The following NKAIN3 variants were observed in gnomAD, a reference collection of about 807,000 sequenced individuals.
NKAIN3 encodes the protein sodium/potassium-transporting ATPase subunit beta-1-interacting protein 3.
A neutral mutation model predicts 30.2 loss-of-function variants in NKAIN3; 25 were observed. The ratio of observed to expected loss-of-function variants is 0.83; its 90% CI spans 0.60 to 1.16. The LOEUF is 1.16. NKAIN3 is among the 50% of genes most tolerant of loss of function. NKAIN3 has a pLI of 0.00. For synonymous variants in NKAIN3, 91 were observed against 89.6 expected (o/e 1.02, Z -0.09); for missense variants, 225 against 254.1 (o/e 0.89, Z 0.78).
At chr8:62,416,927 G>T (rs1804464467) in intron 1 of NKAIN3, among the ~76,000 whole-genome samples, 1 of 151,780 alleles carries the variant, frequency 6.6e-6, no homozygotes, top group African/African-American at 2.4e-5. Flanking sequence ...GGGAGGCGGA[G>T]GCTGCAGTGA....
intron 4 of NKAIN3, among the ~76,000 whole-genome samples, chr8:62,821,515 G>A (rs1818847392): frequency 6.6e-6 from 1 of 152,122 alleles, no homozygotes; most frequent in South Asian, 2.1e-4. Context: ...AATTTCATGT[G>A]TAATGAGGGG....
chr8:62,883,458 T>TTGTTTTTTTG (rs779911371), intron 4 of NKAIN3, among the ~76,000 whole-genome samples: 1 of 31,510 alleles, frequency 3.2e-5, no homozygotes, highest in Non-Finnish European at 5.9e-5. Context: ...GTTTTATGGG[T>TTGTTTTTTTG]TTTTTTTTTT....
chr8:62,850,795 G>A (rs2130773718), intron 4 of NKAIN3, among the ~76,000 whole-genome samples: 1 of 152,176 alleles, frequency 6.6e-6, no homozygotes, highest in East Asian at 1.9e-4. Context: ...TGAGGTGTCT[G>A]TTCTGTTCCA....
intron 3 of NKAIN3, among the ~76,000 whole-genome samples, chr8:62,721,050 G>A (rs1010074702): frequency 6.6e-6 from 1 of 152,130 alleles, no homozygotes; most frequent in African/African-American, 2.4e-5. Flanking sequence ...GCAATAGCTA[G>A]GAAAATCTTT....
intron 1 of NKAIN3, among the ~76,000 whole-genome samples, chr8:62,259,920 G>T (rs1585606282): frequency 6.6e-6 from 1 of 152,222 alleles, no homozygotes; most frequent in East Asian, 1.9e-4. Flanking sequence ...ACTGACAAGG[G>T]CTCTAATTGC....
At chr8:62,778,279 C>T (rs1817250415) in intron 4 of NKAIN3, among the ~76,000 whole-genome samples, 1 of 152,102 alleles carries the variant, frequency 6.6e-6, no homozygotes, top group Non-Finnish European at 1.5e-5. Flanking sequence ...TTATGTCCTT[C>T]CCTTTAAGGC....
chr8:62,770,230 G>C (rs896938559), intron 4 of NKAIN3, among the ~76,000 whole-genome samples: 1 of 152,308 alleles, frequency 6.6e-6, no homozygotes, highest in East Asian at 1.9e-4. Flanking sequence ...GAAAGATCTG[G>C]AGAGCACAGA....
intron 3 of NKAIN3, among the ~76,000 whole-genome samples, chr8:62,633,745 C>T (rs1296315389): frequency 2.6e-5 from 4 of 152,144 alleles, no homozygotes; most frequent in African/African-American, 7.2e-5. Flanking sequence ...TGAAGGCCAA[C>T]GTGTCTCACA....
At chr8:62,545,189 C>T (rs1478786664) in intron 1 of NKAIN3, among the ~76,000 whole-genome samples, 1 of 152,180 alleles carries the variant, frequency 6.6e-6, no homozygotes, top group East Asian at 1.9e-4. Context: ...ACACACTAAC[C>T]TAAATGTATG....
intron 3 of NKAIN3, among the ~76,000 whole-genome samples, chr8:62,603,694 C>A (rs1002193475): frequency 6.6e-6 from 1 of 152,044 alleles, no homozygotes; most frequent in African/African-American, 2.4e-5. Flanking sequence ...GCCCTGGAAG[C>A]ATCTGTGCAT....
At chr8:62,287,345 G>C (rs944986993) in intron 1 of NKAIN3, among the ~76,000 whole-genome samples, 2 of 151,932 alleles carry the variant, frequency 1.3e-5, no homozygotes, top group African/African-American at 4.8e-5. Context: ...TGGAGTTTGG[G>C]TTACGCTGAC....
chr8:62,942,169 A>AATAT (rs146115738), intron 5 of NKAIN3, among the ~76,000 whole-genome samples: 4 of 142,652 alleles, frequency 2.8e-5, no homozygotes, highest in Admixed American at 1.4e-4. Context: ...CAATAGCTGC[A>AATAT]ATATATATAT....
chr8:62,275,972 A>C (rs1332770077), intron 1 of NKAIN3, among the ~76,000 whole-genome samples: 1 of 152,204 alleles, frequency 6.6e-6, no homozygotes, highest in Non-Finnish European at 1.5e-5. Flanking sequence ...AATAATACCC[A>C]AAAGGTTGGA....
intron 4 of NKAIN3, among the ~76,000 whole-genome samples, chr8:62,772,714 G>C (rs550076488): frequency 6.7e-6 from 1 of 148,988 alleles, no homozygotes; most frequent in South Asian, 2.1e-4. Context: ...AGGCTGGAGT[G>C]CAGTGGCACG....
rs80102987 is a variant in NKAIN3, at chr8:62,729,388, T to C, written c.274-17544T>C. Among the ~76,000 whole-genome samples the C allele has an allele frequency of 7.6e-3, 1,152 of 152,278 alleles. 8 individuals carry two copies. Among genetic ancestry groups the C allele is most frequent in the Non-Finnish European group, 0.013 (874 of 68,002 alleles). ...ACACCACCAAATGCTGGGTAGGATA[T>C]GGACCAACAGAAAGTCTAATTCAAT... On this transcript the variant is annotated intron_variant, in intron 3 of 6. Transcript: ENST00000623646.
intron 4 of NKAIN3, among the ~76,000 whole-genome samples, chr8:62,907,641 C>T (rs1466878717): frequency 1.3e-5 from 2 of 152,156 alleles, no homozygotes; most frequent in East Asian, 3.9e-4. Context: ...CTAAAAGGGG[C>T]CAATGTACAG....
At chr8:62,875,377 T>A (rs536290072) in intron 4 of NKAIN3, among the ~76,000 whole-genome samples, 2 of 152,134 alleles carry the variant, frequency 1.3e-5, no homozygotes, top group Non-Finnish European at 2.9e-5. Flanking sequence ...GAGGAATCAA[T>A]ATCGTGAAAA....
chr8:62,986,217 T>G (rs1043941125), downstream of NKAIN3, among the ~76,000 whole-genome samples: 1 of 152,190 alleles, frequency 6.6e-6, no homozygotes, highest in Non-Finnish European at 1.5e-5. Flanking sequence ...AACCCGGAGA[T>G]TCATCTCTTA....
intron 4 of NKAIN3, among the ~76,000 whole-genome samples, chr8:62,910,832 A>G (rs537664691): frequency 1.2e-4 from 18 of 151,712 alleles, no homozygotes; most frequent in African/African-American, 4.4e-4. Context: ...CTACATATTG[A>G]TATGTGAAAA....
Sources: allele counts gnomAD v4.1 joint callset (sites outside exome capture counted in the v4.1 genomes callset), GRCh38; gene constraint gnomAD v4.1.1; transcripts MANE v1.5; gene names NCBI Gene and HGNC (gene_info 2026-07-23, HGNC 2026-07-21).